Variants in SORCS2 observed in about 807,000 individuals in gnomAD.
SORCS2 encodes the protein sortilin related VPS10 domain containing receptor 2.
SORCS2 carries 100 observed loss-of-function variants against 141.6 expected under a neutral mutation model. That is an observed-to-expected ratio of 0.71 (90% confidence interval 0.60 to 0.83). SORCS2 has a LOEUF of 0.83. Ranked by LOEUF, SORCS2 falls within the 40% of genes least tolerant of loss-of-function variation. The pLI is 0.00. For synonymous variants in SORCS2, 789 were observed against 676.9 expected (o/e 1.17, Z -2.57); for missense variants, 1,646 against 1,560.2 (o/e 1.05, Z -0.93).
At chr4:7,230,737 C>T (rs1267201110) in intron 1 of SORCS2, among the ~76,000 whole-genome samples, 2 of 149,680 alleles carry the variant, frequency 1.3e-5, no homozygotes, top group African/African-American at 5.0e-5. Flanking sequence ...ATGGTCAAGT[C>T]TTTGAGTCTC....
intron 3 of SORCS2, among the ~76,000 whole-genome samples, chr4:7,580,938 A>G (rs886330503): frequency 1.3e-5 from 2 of 152,156 alleles, no homozygotes; most frequent in African/African-American, 4.8e-5. Flanking sequence ...AATAATAGAT[A>G]TGCCCTGGGG....
intron 1 of SORCS2, chr4:7,310,462 G>A (rs1370001316): frequency 3.9e-5 from 6 of 154,098 alleles, no homozygotes; most frequent in Non-Finnish European, 8.8e-5. Context: ...GTACAACTTC[G>A]GTATACTTTG....
chr4:7,594,504 T>G (rs1475625322), intron 3 of SORCS2, among the ~76,000 whole-genome samples: 1 of 152,188 alleles, frequency 6.6e-6, no homozygotes, highest in Non-Finnish European at 1.5e-5. Flanking sequence ...TCCTGCCTGC[T>G]CCGGGGTGGG....
chr4:7,733,217 G>A (rs1418414756), intron 23 of SORCS2, 105 bp from the exon 24 acceptor site: 18 of 241,098 alleles, frequency 7.5e-5, no homozygotes, highest in Admixed American at 6.3e-4. Context: ...CCCCCAACAC[G>A]TGGAGACCCC....
At chr4:7,702,547 C>T (rs559799173) in intron 12 of SORCS2, among the ~76,000 whole-genome samples, 1 of 152,340 alleles carries the variant, frequency 6.6e-6, no homozygotes, top group South Asian at 2.1e-4. Flanking sequence ...CTCAGTGTCC[C>T]CTCCCGGGTG....
intron 7 of SORCS2, among the ~76,000 whole-genome samples, chr4:7,665,677 A>T (rs1000314408): frequency 2.0e-5 from 3 of 151,910 alleles, no homozygotes. Context: ...CCTACACCTG[A>T]CTCAGGCAAG....
At chr4:7,439,403 C>G (rs1727512806) in intron 2 of SORCS2, among the ~76,000 whole-genome samples, 1 of 152,192 alleles carries the variant, frequency 6.6e-6, no homozygotes, top group Non-Finnish European at 1.5e-5. Flanking sequence ...ATCCATAGCA[C>G]TGTGAAATGC....
At chr4:7,681,447 G>A (rs1473700683) in intron 9 of SORCS2, among the ~76,000 whole-genome samples, 1 of 152,070 alleles carries the variant, frequency 6.6e-6, no homozygotes, top group East Asian at 1.9e-4. Context: ...GAAGGAAGGG[G>A]CCATGAGCCA....
In SORCS2 at chr4:7,664,035, A is replaced by G. The variant is rs902597624; in HGVS notation, c.953-318A>G. 2.0e-5 allele frequency among the ~76,000 whole-genome samples: 3 copies of G among 152,128 alleles called. No individual in the cohort carries two copies. Among genetic ancestry groups the G allele is most frequent in the Non-Finnish European group, 4.4e-5 (3 of 68,016 alleles). ...TAGGTGTGAGAGACTTCAGGAGGGT[A>G]TGGGGGCCGTGCATGTCTGGGTGTG... is the stretch of plus-strand genomic sequence containing the variant. On this transcript the variant is annotated intron_variant, in intron 6 of 26. Coordinates refer to ENST00000507866, the MANE Select transcript of SORCS2 (RefSeq NM_020777.3). This position sits in a 1 kb window ranked among gnomAD's most constrained non-coding sequence, Gnocchi z 4.7.
chr4:7,229,058 C>A (rs1393205607), intron 1 of SORCS2, among the ~76,000 whole-genome samples: 1 of 152,188 alleles, frequency 6.6e-6, no homozygotes, highest in Non-Finnish European at 1.5e-5. Context: ...CCCCGTGCAC[C>A]CAGGCCCCTT....
At chr4:7,254,782 C>T (rs1713735150) in intron 1 of SORCS2, among the ~76,000 whole-genome samples, 1 of 152,162 alleles carries the variant, frequency 6.6e-6, no homozygotes, top group Non-Finnish European at 1.5e-5. Flanking sequence ...TCGGGTTCTG[C>T]ATCAGGAGGA....
At chr4:7,264,084 G>A (rs1714554648) in intron 1 of SORCS2, among the ~76,000 whole-genome samples, 2 of 152,192 alleles carry the variant, frequency 1.3e-5, no homozygotes, top group South Asian at 2.1e-4. Flanking sequence ...CAGAGAAGTA[G>A]AGAGACAGTG....
rs916941920 is a variant in SORCS2, at chr4:7,201,663, C to T, written c.480+8537C>T. ...AAATGGAGGGGAAGCTTGTACGTTGCCTCCTCTTTTGGGGCCGCCTTGTCT... is the reference window on the plus strand; with the variant it reads ...AAATGGAGGGGAAGCTTGTACGTTGTCTCCTCTTTTGGGGCCGCCTTGTCT... On this transcript the variant is annotated intron_variant, in intron 1 of 26. Coordinates refer to ENST00000507866, the MANE Select transcript of SORCS2 (RefSeq NM_020777.3). The surrounding 1 kb of genome is among the most constrained non-coding windows in gnomAD (Gnocchi z 4.4). Among the ~76,000 whole-genome samples, 1 of 152,164 alleles carries T rather than the reference C, an allele frequency of 6.6e-6. No homozygotes were observed. The highest frequency in any genetic ancestry group is 1.5e-5 in the Non-Finnish European group (1 of 68,036).
At chr4:7,410,170 C>G (rs1052217819) in intron 2 of SORCS2, among the ~76,000 whole-genome samples, 1 of 152,226 alleles carries the variant, frequency 6.6e-6, no homozygotes, top group Non-Finnish European at 1.5e-5. Context: ...CACAGCATTC[C>G]TCTCTGTGCC....
intron 2 of SORCS2, among the ~76,000 whole-genome samples, chr4:7,451,786 C>T (rs1000161689): frequency 1.3e-5 from 2 of 152,194 alleles, no homozygotes; most frequent in Non-Finnish European, 2.9e-5. Context: ...TGCAGGATTG[C>T]AGAGGAGTGA....
intron 18 of SORCS2, among the ~76,000 whole-genome samples, chr4:7,719,086 G>A (rs764578799): frequency 2.0e-5 from 3 of 152,224 alleles, no homozygotes; most frequent in Non-Finnish European, 4.4e-5. Flanking sequence ...GCTCTCTCCC[G>A]GCACGCAGCT....
chr4:7,362,496 G>T (rs1262418262), intron 1 of SORCS2, among the ~76,000 whole-genome samples: 3 of 152,162 alleles, frequency 2.0e-5, no homozygotes, highest in Non-Finnish European at 2.9e-5. Context: ...CACTGAGCTG[G>T]TAGTATGTGC....
intron 3 of SORCS2, among the ~76,000 whole-genome samples, chr4:7,590,623 G>A (rs902215970): frequency 1.3e-5 from 2 of 152,188 alleles, no homozygotes. Context: ...TTGAGATGTG[G>A]AAACTGAGGC....
rs748142600 is a variant in SORCS2, at chr4:7,728,354, A to G, written c.2874A>G (p.Gln958=). The change falls in exon 22 of 27, where the codon CAA becomes CAG. Residue 958 remains glutamine, a synonymous_variant. Coordinates refer to ENST00000507866, the MANE Select transcript of SORCS2 (RefSeq NM_020777.3). ...CCCTTCTCTGCGTCTTTCCAGATCAATTTCAAGTCATGCCTCTGCAGTTTT... is the reference window on the plus strand; with the variant it reads ...CCCTTCTCTGCGTCTTTCCAGATCAGTTTCAAGTCATGCCTCTGCAGTTTT... ...QDSRVLRVLD[Q]FQVMPLQFSK... The G allele has an allele frequency of 1.9e-6, 3 of 1,612,880 alleles. No homozygotes were observed. The highest frequency in any genetic ancestry group is 2.2e-5 in the East Asian group (1 of 44,864).
Sources: allele counts gnomAD v4.1 joint callset (sites outside exome capture counted in the v4.1 genomes callset), GRCh38; gene constraint gnomAD v4.1.1; non-coding constraint Gnocchi (gnomAD v3.1); transcripts MANE v1.5; gene names NCBI Gene and HGNC (gene_info 2026-07-23, HGNC 2026-07-21).